Variants in TMEM167A observed in about 807,000 individuals in gnomAD.
TMEM167A encodes the protein transmembrane protein 167A.
A neutral mutation model predicts 11.6 loss-of-function variants in TMEM167A; 8 were observed. That is an observed-to-expected ratio of 0.69 (90% CI 0.40 to 1.24). TMEM167A has a LOEUF of 1.24. TMEM167A is among the 50% of genes most tolerant of loss of function. The pLI is 0.01. For missense variants in TMEM167A, 62 were observed against 87.0 expected (o/e 0.71, Z 1.14); for synonymous variants, 22 against 28.0 (o/e 0.79, Z 0.67).
intron 1 of TMEM167A, among the ~76,000 whole-genome samples, chr5:83,076,926 C>T (rs1744682919): frequency 6.6e-6 from 1 of 152,118 alleles, no homozygotes; most frequent in African/African-American, 2.4e-5. Flanking sequence ...AGAAACTCCC[C>T]CCAAAAATCA....
intron 1 of TMEM167A, among the ~76,000 whole-genome samples, chr5:83,075,823 A>G (rs1173429225): frequency 6.6e-6 from 1 of 152,152 alleles, no homozygotes; most frequent in Non-Finnish European, 1.5e-5. Context: ...CAAATAAACT[A>G]AGTTTAGATG....
intron 1 of TMEM167A, among the ~76,000 whole-genome samples, chr5:83,067,134 C>T (rs183923778): frequency 3.9e-5 from 6 of 152,184 alleles, no homozygotes; most frequent in Admixed American, 3.9e-4. Context: ...ATTGTAAAGA[C>T]AACCTATAAA....
intron 3 of TMEM167A, among the ~76,000 whole-genome samples, chr5:83,061,494 C>T (rs111839836): frequency 2.6e-3 from 402 of 152,294 alleles, no homozygotes; most frequent in African/African-American, 8.9e-3. Flanking sequence ...CTGCAACCTT[C>T]GCCTCTCGGG....
intron 1 of TMEM167A, among the ~76,000 whole-genome samples, chr5:83,075,515 G>A (rs1580180078): frequency 6.6e-6 from 1 of 152,182 alleles, no homozygotes; most frequent in Non-Finnish European, 1.5e-5. Context: ...GGGAGGCTGA[G>A]GTGGGAGGAT....
intron 1 of TMEM167A, among the ~76,000 whole-genome samples, chr5:83,076,944 A>G (rs894283775): frequency 4.6e-5 from 7 of 152,216 alleles, no homozygotes; most frequent in African/African-American, 1.7e-4. Flanking sequence ...TCAAACAATA[A>G]CACCAGAGTA....
chr5:83,058,917 A>G (rs1375672809), intron 3 of TMEM167A, among the ~76,000 whole-genome samples: 1 of 152,092 alleles, frequency 6.6e-6, no homozygotes, highest in African/African-American at 2.4e-5. Context: ...GTGTAACATG[A>G]TAAGATGATT....
At chr5:83,060,674 A>C (rs1005602691) in intron 3 of TMEM167A, among the ~76,000 whole-genome samples, 1 of 152,010 alleles carries the variant, frequency 6.6e-6, no homozygotes, top group African/African-American at 2.4e-5. Context: ...TACTAAAAAT[A>C]CAAAAAATTA....
At chr5:83,070,224 CA>C (rs1744540488) in intron 1 of TMEM167A, among the ~76,000 whole-genome samples, 1 of 152,112 alleles carries the variant, frequency 6.6e-6, no homozygotes, top group Non-Finnish European at 1.5e-5. Context: ...TATACACTTT[CA>C]AAAGATCTGT....
At chr5:83,063,271 C>A (rs1345254899) in intron 2 of TMEM167A, among the ~76,000 whole-genome samples, 2 of 151,918 alleles carry the variant, frequency 1.3e-5, no homozygotes, top group African/African-American at 2.4e-5. Flanking sequence ...AAGGACCCAC[C>A]CTCAAAGGGT....
intron 1 of TMEM167A, among the ~76,000 whole-genome samples, chr5:83,069,863 T>C (rs1744535772): frequency 1.3e-5 from 2 of 152,144 alleles, no homozygotes; most frequent in Admixed American, 1.3e-4. Context: ...TCCAAGAGCA[T>C]ACTTGGATTC....
chr5:83,062,044 C>T (rs913729942), intron 2 of TMEM167A, 133 bp from the exon 3 acceptor site: 1 of 699,304 alleles, frequency 1.4e-6, no homozygotes, highest in East Asian at 2.9e-5. Context: ...AATTTGAAAT[C>T]TCCTTATTTG....
chr5:83,073,582 C>T (rs1430315005), intron 1 of TMEM167A, among the ~76,000 whole-genome samples: 1 of 152,196 alleles, frequency 6.6e-6, no homozygotes, highest in African/African-American at 2.4e-5. Flanking sequence ...GGAGCCATCC[C>T]AGTAGCCTGG....
At chr5:83,062,408 A>T (rs1329355086) in intron 2 of TMEM167A, among the ~76,000 whole-genome samples, 1 of 152,180 alleles carries the variant, frequency 6.6e-6, no homozygotes, top group East Asian at 1.9e-4. Flanking sequence ...GTATTTACTT[A>T]TCTGTGTCAT....
intron 1 of TMEM167A, 45 bp downstream of exon 1, chr5:83,077,276 C>T: frequency 6.2e-7 from 1 of 1,614,204 alleles, no homozygotes. Flanking sequence ...AGATCCACAA[C>T]CCCTTCTCGA....
Position 83,077,176 on chromosome 5 carries a change from G to C in TMEM167A, c.3+145C>G, listed in dbSNP as rs16900155. 1.9e-3 allele frequency: 2,214 copies of C among 1,159,684 alleles called. 24 individuals carry two copies. The African/African-American group carries it at 0.03, about 16-fold the overall frequency. 71.8% of individuals were successfully genotyped at this position (1,159,684 alleles called of 1,614,324 possible). A position where few individuals can be genotyped will look rare whatever the true frequency, so the allele number is the denominator to read the frequency against. On this transcript the variant is annotated intron_variant, in intron 1 of 3. Coordinates refer to ENST00000502346, the MANE Select transcript of TMEM167A (RefSeq NM_174909.5). ...CGGACAGTCCGTCCTGATTCTCTCT[G>C]GTTGGCCGTGGAGGGACCACATGGC...
Position 83,055,575 on chromosome 5 carries a change from A to T in TMEM167A, c.*1509T>A, listed in dbSNP as rs1284467588. Reference sequence around the variant, plus strand: ...ATGCCAAAAATATAAAACCAAAACCAAACCAAAACAAACAAACAAAAAATC... The same window carrying T: ...ATGCCAAAAATATAAAACCAAAACCTAACCAAAACAAACAAACAAAAAATC... On this transcript the variant is annotated 3_prime_UTR_variant, in exon 4 of 4. Coordinates refer to ENST00000502346, the MANE Select transcript of TMEM167A (RefSeq NM_174909.5). 6.6e-6 allele frequency: 1 copy of T among 151,972 alleles called. No individual in the cohort carries two copies. The highest frequency in any genetic ancestry group is 1.5e-5 in the Non-Finnish European group (1 of 67,922). The allele number at this position is 151,972 out of a possible 1,614,324, so 9.4% of individuals were successfully genotyped here.
chr5:83,075,896 C>T (rs1446326840), intron 1 of TMEM167A, among the ~76,000 whole-genome samples: 1 of 152,154 alleles, frequency 6.6e-6, no homozygotes, highest in African/African-American at 2.4e-5. Context: ...CTTCTTGAAA[C>T]CTCACTTCGT....
At position 83,055,755 on chromosome 5, in the gene TMEM167A, A is replaced by C. The variant is rs1744322073; in HGVS notation, c.*1329T>G. 1 of 151,722 alleles carries C rather than the reference A, an allele frequency of 6.6e-6. No individual in the cohort carries two copies. The highest frequency in any genetic ancestry group is 2.1e-4 in the South Asian group (1 of 4,820). 9.4% of individuals were successfully genotyped at this position (151,722 alleles called of 1,614,324 possible). A position where few individuals can be genotyped will look rare whatever the true frequency, so the allele number is the denominator to read the frequency against. On this transcript the variant is annotated 3_prime_UTR_variant, in exon 4 of 4. Transcript: ENST00000502346. ...ATAAAAATAGGTGGCTTTCAGTTCC[A>C]TACGTTGTTTCTGCAGAAATAACTA...
rs1473090235 is a variant in TMEM167A, at chr5:83,054,957, C to T, written c.*2127G>A. 6.6e-6 allele frequency: 1 copy of T among 151,964 alleles called. No individual in the cohort carries two copies. Among genetic ancestry groups the T allele is most frequent in the South Asian group, 2.1e-4 (1 of 4,826 alleles). The allele number at this position is 151,964 out of a possible 1,614,324, so 9.4% of individuals were successfully genotyped here. ...TCAATATTCTGTGGGCTTAAAACCA[C>T]CTACACTGCCCCTTGGGTTAGAGAA... On this transcript the variant is annotated 3_prime_UTR_variant, in exon 4 of 4. Coordinates refer to ENST00000502346, the MANE Select transcript of TMEM167A (RefSeq NM_174909.5).
Sources: allele counts gnomAD v4.1 joint callset (sites outside exome capture counted in the v4.1 genomes callset), GRCh38; gene constraint gnomAD v4.1.1; transcripts MANE v1.5; gene names NCBI Gene and HGNC (gene_info 2026-07-23, HGNC 2026-07-21).